FGF14: variants seen among roughly 807,000 people sequenced by gnomAD.
FGF14 encodes the protein fibroblast growth factor homologous factor 4.
In FGF14, 5 loss-of-function variants were observed where a neutral mutation model predicts 25.5. That is an observed-to-expected ratio of 0.20 (90% CI 0.10 to 0.41). FGF14 has a LOEUF of 0.41. Ranked by LOEUF, FGF14 falls within the 10% of genes least tolerant of loss-of-function variation. The probability of loss-of-function intolerance (pLI) is 1.00; values close to 1 mark genes in which losing one functional copy is unlikely to be tolerated. For missense variants in FGF14, 222 were observed against 320.1 expected (o/e 0.69, Z 2.34); for synonymous variants, 138 against 118.3 (o/e 1.17, Z -1.08).
chr13:102,402,048 GA>G (rs71840194), upstream of FGF14: 1,189 of 106,860 alleles, frequency 0.011, 14 homozygotes, highest in African/African-American at 0.034. Context: ...AGGAGAGAAG[GA>G]AAAAAAAAAA....
rs139792717 is a variant in FGF14 at position 102,096,798 on chromosome 13, T to C, written c.209-221502A>G. Among the ~76,000 whole-genome samples, 161 of 152,292 alleles carry C rather than the reference T, an allele frequency of 1.1e-3. 3 individuals carry two copies. Among genetic ancestry groups the C allele is most frequent in the Admixed American group, 7.5e-3 (115 of 15,288 alleles). On this transcript the variant is annotated intron_variant, in intron 1 of 4. Transcript: ENST00000376131. Reference sequence around the variant, plus strand: ...AACTAACCAGGAAACAGATTCCTTATGCAGTCAGGAAGAAAAAGAAACTGG... The same window carrying C: ...AACTAACCAGGAAACAGATTCCTTACGCAGTCAGGAAGAAAAAGAAACTGG...
chr13:102,038,594 C>T (rs574995597), intron 1 of FGF14, among the ~76,000 whole-genome samples: 1 of 152,040 alleles, frequency 6.6e-6, no homozygotes, highest in South Asian at 2.1e-4. Flanking sequence ...TGTTCCTAAA[C>T]CTGCAAGAAA....
In FGF14 at chr13:102,068,722, C is replaced by G. The variant is rs182746706; in HGVS notation, c.209-193426G>C. Among the ~76,000 whole-genome samples the G allele has an allele frequency of 8.1e-3, 1,241 of 152,292 alleles. 32 individuals carry two copies. Among genetic ancestry groups the G allele is most frequent in the East Asian group, 0.045 (233 of 5,180 alleles). On this transcript the variant is annotated intron_variant, in intron 1 of 4. Transcript: ENST00000376131. ...AGCTGCCTTCCCGCGGGGCAGGGCTCGGGACCTGCAGCCTGCCATGCCTGA... is the reference window on the plus strand; with the variant it reads ...AGCTGCCTTCCCGCGGGGCAGGGCTGGGGACCTGCAGCCTGCCATGCCTGA...
chr13:102,195,679 G>T (rs905619112), intron 1 of FGF14, among the ~76,000 whole-genome samples: 9 of 151,300 alleles, frequency 5.9e-5, no homozygotes, highest in African/African-American at 2.2e-4. Context: ...GAGCATGGTG[G>T]CCAATTGGAG....
chr13:102,034,387 ACTT>A (rs1470782331), intron 1 of FGF14, among the ~76,000 whole-genome samples: 1 of 152,140 alleles, frequency 6.6e-6, no homozygotes, highest in African/African-American at 2.4e-5. Context: ...TAAATAGATG[ACTT>A]CTTCATGATA....
At chr13:102,273,771 C>G (rs927940620) in intron 1 of FGF14, among the ~76,000 whole-genome samples, 5 of 151,720 alleles carry the variant, frequency 3.3e-5, no homozygotes, top group Non-Finnish European at 5.9e-5. Flanking sequence ...TAGTGAGACT[C>G]CAGCTAATAA....
Position 102,333,794 on chromosome 13 carries a change from G to A in FGF14, c.208+67677C>T, listed in dbSNP as rs114459132. 3.7e-3 allele frequency among the ~76,000 whole-genome samples: 557 copies of A among 152,284 alleles called. 4 individuals are homozygous for A. The highest frequency in any genetic ancestry group is 0.013 in the African/African-American group (526 of 41,560). Reference sequence around the variant, plus strand: ...AGAAAAAAGAGGTATTTGGTCATTTGTTATGGTAATCACCAGCGTGTAAAG... The same window carrying A: ...AGAAAAAAGAGGTATTTGGTCATTTATTATGGTAATCACCAGCGTGTAAAG... On this transcript the variant is annotated intron_variant, in intron 1 of 4. Transcript: ENST00000376131.
At chr13:102,225,093 A>G (rs529444977) in intron 1 of FGF14, among the ~76,000 whole-genome samples, 2 of 152,074 alleles carry the variant, frequency 1.3e-5, no homozygotes, top group Non-Finnish European at 2.9e-5. Flanking sequence ...CTCTTGATTT[A>G]GAAAGCTCTC....
At chr13:102,143,789 C>G (rs955008546) in intron 1 of FGF14, among the ~76,000 whole-genome samples, 1 of 152,026 alleles carries the variant, frequency 6.6e-6, no homozygotes, top group African/African-American at 2.4e-5. Flanking sequence ...AAATTAAAAC[C>G]GTTGCTTCCT....
intron 1 of FGF14, among the ~76,000 whole-genome samples, chr13:101,983,874 C>T (rs1409609798): frequency 6.6e-6 from 1 of 152,174 alleles, no homozygotes; most frequent in Non-Finnish European, 1.5e-5. Flanking sequence ...GCCTTACTAG[C>T]TGGGCTCCCC....
At chr13:101,955,205 T>G (rs2036438723) in intron 1 of FGF14, among the ~76,000 whole-genome samples, 3 of 152,362 alleles carry the variant, frequency 2.0e-5, no homozygotes, top group East Asian at 1.9e-4. Flanking sequence ...GTCTGAAAAT[T>G]TTAGCAATAC....
intron 1 of FGF14, among the ~76,000 whole-genome samples, chr13:102,082,143 T>G (rs2043649945): frequency 6.6e-6 from 1 of 151,296 alleles, no homozygotes; most frequent in Non-Finnish European, 1.5e-5. Context: ...AAAAAAAGAC[T>G]ACCACATTTT....
At chr13:102,315,207 A>G (rs1053784347) in intron 1 of FGF14, among the ~76,000 whole-genome samples, 1 of 152,108 alleles carries the variant, frequency 6.6e-6, no homozygotes, top group African/African-American at 2.4e-5. Flanking sequence ...GCAAGGAAAA[A>G]ATATTATAAA....
In FGF14 at chr13:101,722,941, G is replaced by A. The variant is rs767504138; in HGVS notation, c.634C>T (p.His212Tyr). 3.1e-6 allele frequency: 5 copies of A among 1,613,288 alleles called. No individual in the cohort carries two copies. The highest frequency in any genetic ancestry group is 4.2e-6 in the Non-Finnish European group (5 of 1,179,520). ...EVAMYREPSL[H>Y]DVGETVPKPG... ...TTCGGGACCGTTTCCCCAACATCATGCAAAGATGGTTCTCGGTACATGGCA... is the reference window on the plus strand; with the variant it reads ...TTCGGGACCGTTTCCCCAACATCATACAAAGATGGTTCTCGGTACATGGCA... Residue 212 changes from histidine to tyrosine, a missense_variant, in exon 5 of 5, where the codon CAT becomes TAT. This residue lies in a region of FGF14 where 66 missense variants were observed against 90.3 expected (regional missense o/e 0.73). Coordinates refer to ENST00000376143, the MANE Select transcript of FGF14 (RefSeq NM_004115.4).
At chr13:102,339,176 C>A (rs1348936850) in intron 1 of FGF14, among the ~76,000 whole-genome samples, 1 of 151,908 alleles carries the variant, frequency 6.6e-6, no homozygotes, top group Non-Finnish European at 1.5e-5. Flanking sequence ...ATGCCTGTAT[C>A]AGAACATCTC....
intron 1 of FGF14, among the ~76,000 whole-genome samples, chr13:102,287,709 G>A (rs2184808): frequency 0.78 from 119,381 of 152,200 alleles, 47,653 homozygotes; most frequent in African/African-American, 0.94. Context: ...TTAAAAGTGA[G>A]AGATAAAATG....
intron 1 of FGF14, among the ~76,000 whole-genome samples, chr13:102,350,844 A>G (rs1354011753): frequency 6.6e-6 from 1 of 152,198 alleles, no homozygotes; most frequent in Admixed American, 6.5e-5. Context: ...ATGTCTATTC[A>G]TCTCCTGCAA....
At chr13:102,297,010 C>CAAA (rs1472824809) in intron 1 of FGF14, among the ~76,000 whole-genome samples, 2 of 151,894 alleles carry the variant, frequency 1.3e-5, no homozygotes, top group Non-Finnish European at 2.9e-5. Flanking sequence ...ACAACAACAA[C>CAAA]AAAAAAAGTA....
rs1206786751 is a variant in FGF14, at chr13:101,721,464, A to AACAG, written c.*1363_*1366dup. 2 of 152,114 alleles carry AACAG rather than the reference A, an allele frequency of 1.3e-5. No individual in the cohort carries two copies. The highest frequency in any genetic ancestry group is 2.9e-5 in the Non-Finnish European group (2 of 68,008). The allele number at this position is 152,114 out of a possible 1,614,324, so 9.4% of individuals were successfully genotyped here. On this transcript the variant is annotated 3_prime_UTR_variant, in exon 5 of 5. Coordinates refer to ENST00000376143, the MANE Select transcript of FGF14 (RefSeq NM_004115.4). ...CCTTTATTTTCATCTAGGATAATTC[A>AACAG]ACAGACTGTATTCTGAGATCATGGC...
Sources: gnomAD v4.1 joint callset for allele counts (sites outside exome capture counted in the v4.1 genomes callset) on GRCh38, gnomAD v4.1.1 for gene constraint, gnomAD v4.1.1 regional missense constraint, MANE v1.5 for transcripts, NCBI Gene and HGNC (gene_info 2026-07-23, HGNC 2026-07-21) for gene names.